USP21: variants seen among roughly 807,000 people sequenced by gnomAD.
The protein encoded by USP21 is ubiquitin specific peptidase 21.
A neutral mutation model predicts 70.8 loss-of-function variants in USP21; 37 were observed. The ratio of observed to expected loss-of-function variants is 0.52; its 90% confidence interval spans 0.40 to 0.69. USP21 has a LOEUF of 0.69. Ranked by LOEUF, USP21 falls within the 30% of genes least tolerant of loss-of-function variation. The probability of loss-of-function intolerance (pLI) is 0.00; values close to 1 mark genes in which losing one functional copy is unlikely to be tolerated. For missense variants in USP21, 584 were observed against 740.8 expected (o/e 0.79, Z 2.46); for synonymous variants, 263 against 283.1 (o/e 0.93, Z 0.71).
chr1:161,164,205 C>T lies in USP21; in HGVS notation c.1260C>T (p.Phe420=), dbSNP rs1658241077. The change falls in exon 10 of 14, where the codon TTC becomes TTT. Residue 420 remains phenylalanine (F), a synonymous_variant. Transcript: ENST00000368002. This position sits in a 1 kb window ranked among gnomAD's most constrained non-coding sequence, Gnocchi z 4.2. ...AGGKVSLRDC[F]NLFTKEEELE... ...GCAAGGTGTCTCTGCGGGATTGTTT[C>T]AACCTTTTCACTAAGGAAGAAGAGC... 6.2e-7 allele frequency: 1 copy of T among 1,614,094 alleles called. No homozygotes were observed. The highest frequency in any genetic ancestry group is 1.1e-5 in the South Asian group (1 of 91,080).
In USP21 at chr1:161,163,749, A is replaced by C. The variant is rs1308167394; in HGVS notation, c.1115-129A>C. 4 of 1,332,360 alleles carry C rather than the reference A, an allele frequency of 3.0e-6. No individual in the cohort carries two copies. In the East Asian group the frequency reaches 9.2e-5, roughly 31 times the overall value. The allele number at this position is 1,332,360 out of a possible 1,614,324, so 82.5% of individuals were successfully genotyped here. A position where few individuals can be genotyped will look rare whatever the true frequency, so the allele number is the denominator to read the frequency against. On this transcript the variant is annotated intron_variant, in intron 8 of 13. Transcript: ENST00000368002. ...GATGCAAATGTGAAGCTGTGTGAAG[A>C]GTTGATTAGGAGTGTTGGTAGTGGG... is the stretch of plus-strand genomic sequence containing the variant.
chr1:161,161,778 A>G lies in USP21; in HGVS notation c.601-260A>G. On this transcript the variant is annotated intron_variant, in intron 3 of 13. Transcript: ENST00000368002. The surrounding 1 kb of genome is among the most constrained non-coding windows in gnomAD (Gnocchi z 4.2). The stretch of plus-strand genomic sequence containing the variant: ...TGGGGGAGTTGCCCCAGGAGCTGCA[A>G]CGTCAGCTAGCTGAGCAGAGGAGTA... 1 of 525,774 alleles carries G rather than the reference A, an allele frequency of 1.9e-6. No individual in the cohort carries two copies. 32.6% of individuals were successfully genotyped at this position (525,774 alleles called of 1,614,324 possible). A position where few individuals can be genotyped will look rare whatever the true frequency, so the allele number is the denominator to read the frequency against.
At position 161,164,902 on chromosome 1, in the gene USP21, G is replaced by A. The variant is rs1166227643; in HGVS notation, c.1452G>A (p.Leu484=). ...GTTCAGTAGGTGTAGACTTTCCACT[G>A]CAGCGACTGAGCCTAGGGGACTTTG... The part of the protein sequence containing the change: ...KKSSVGVDFP[L]QRLSLGDFAS... Residue 484 remains leucine, a synonymous_variant, in exon 12 of 14, where the codon CTG becomes CTA. Transcript: ENST00000368002. The surrounding 1 kb of genome is among the most constrained non-coding windows in gnomAD (Gnocchi z 4.2). The A allele has an allele frequency of 6.2e-7, 1 of 1,614,126 alleles. No individual in the cohort carries two copies. Among genetic ancestry groups the A allele is most frequent in the South Asian group, 1.1e-5 (1 of 91,074 alleles).
chr1:161,160,061 C>A (rs1657782284), intron 1 of USP21, among the ~76,000 whole-genome samples: 1 of 152,160 alleles, frequency 6.6e-6, no homozygotes, highest in East Asian at 1.9e-4. Flanking sequence ...GCTTCATTTG[C>A]AGCCCAGAGA....
Position 161,165,137 on chromosome 1 carries a change from ACT to A in USP21, c.1605_1606del (p.Arg536CysfsTer6), listed in dbSNP as rs1658482801. The A allele has an allele frequency of 1.2e-6, 2 of 1,609,560 alleles. No homozygotes were observed. The highest frequency in any genetic ancestry group is 1.1e-5 in the South Asian group (1 of 90,804). ...CAGACTGGTTGGCATGTCTACAATG[ACT>A]CTCGGTGAGAATAGCCTCCTATTTA... On this transcript the variant is annotated frameshift_variant, in exon 13 of 14. Transcript: ENST00000368002. LOFTEE classifies it high-confidence loss of function.
intron 8 of USP21, 63 bp from the exon 9 acceptor site, chr1:161,163,815 C>A: frequency 1.3e-6 from 2 of 1,510,270 alleles, no homozygotes; most frequent in South Asian, 1.1e-5. Context: ...AGATGGAAAT[C>A]CAAGAAATCA....
chr1:161,160,692 A>T lies in USP21; in HGVS notation c.52A>T (p.Asn18Tyr), dbSNP rs1294349075. Residue 18 changes from asparagine to tyrosine, a missense_variant, in exon 3 of 14, where the codon AAT (asparagine) becomes TAT (tyrosine). This residue lies in a region of USP21 where 284 missense variants were observed against 281.0 expected (regional missense o/e 1.01). Coordinates refer to ENST00000368002, the MANE Select transcript of USP21 (RefSeq NM_001014443.3). ...GGGCCGTACCCGAGAGCCACCTGTTAATATCCAGCCCCGAGTGGGATCCAA... is the reference window on the plus strand; with the variant it reads ...GGGCCGTACCCGAGAGCCACCTGTTTATATCCAGCCCCGAGTGGGATCCAA... ...RLGRTREPPV[N>Y]IQPRVGSKLP... is the part of the protein sequence containing the mutation. 6.2e-7 allele frequency: 1 copy of T among 1,614,092 alleles called. No homozygotes were observed. Among genetic ancestry groups the T allele is most frequent in the South Asian group, 1.1e-5 (1 of 91,084 alleles).
rs377308026 is a variant in USP21, at chr1:161,165,425, A to G, written c.1676A>G (p.Gln559Arg). The change falls in exon 14 of 14, where the codon CAG becomes CGG. Residue 559 changes from glutamine (Q) to arginine (R), a missense_variant. Gln to Arg is a conservative substitution (Grantham distance 43, BLOSUM62 1). Transcript: ENST00000368002. ...TACGTGCTGTTCTACCAACTGATGC[A>G]GGAGCCACCCCGGTGCCTGTGACAC... Reference protein sequence around the residue: ...EGYVLFYQLMQEPPRCL With the variant: ...EGYVLFYQLMREPPRCL The G allele has an allele frequency of 3.1e-6, 5 of 1,614,010 alleles. No individual in the cohort carries two copies. The African/African-American group carries it at 6.7e-5, about 22-fold the overall frequency.
At position 161,164,800 on chromosome 1, in the gene USP21, C is replaced by G; in HGVS notation, c.1385-35C>G. On this transcript the variant is annotated intron_variant, in intron 11 of 13. Coordinates refer to ENST00000368002, the MANE Select transcript of USP21 (RefSeq NM_001014443.3). This position sits in a 1 kb window ranked among gnomAD's most constrained non-coding sequence, Gnocchi z 4.2. ...ATAGAAGAAGTTCCCCTCAGAGGCC[C>G]ACTGCCTCCCAAATGCTCCTTAACC... 6.2e-7 allele frequency: 1 copy of G among 1,606,078 alleles called. No homozygotes were observed. The highest frequency in any genetic ancestry group is 8.5e-7 in the Non-Finnish European group (1 of 1,175,284).
chr1:161,161,264 C>A lies in USP21; in HGVS notation c.600+24C>A. The A allele has an allele frequency of 6.4e-7, 1 of 1,558,248 alleles. No homozygotes were observed. Among genetic ancestry groups the A allele is most frequent in the Middle Eastern group, 1.7e-4 (1 of 5,814 alleles). On this transcript the variant is annotated intron_variant, in intron 3 of 13. Coordinates refer to ENST00000368002, the MANE Select transcript of USP21 (RefSeq NM_001014443.3). This position sits in a 1 kb window ranked among gnomAD's most constrained non-coding sequence, Gnocchi z 4.2. ...TGGTGAGGACTTGCCACACACATGGCCTTCATGCCCATGTTCCTCTGTGCT... is the reference window on the plus strand; with the variant it reads ...TGGTGAGGACTTGCCACACACATGGACTTCATGCCCATGTTCCTCTGTGCT...
chr1:161,161,165 G>A lies in USP21; in HGVS notation c.525G>A (p.Glu175=). 6.2e-7 allele frequency: 1 copy of A among 1,613,886 alleles called. No homozygotes were observed. The highest frequency in any genetic ancestry group is 8.5e-7 in the Non-Finnish European group (1 of 1,179,832). ...GPPTLFSIRT[E]PPASHGSFHM... Reference sequence around the variant, plus strand: ...CTACCCTGTTCAGCATACGGACAGAGCCCCCTGCTTCCCATGGCTCCTTCC... The same window carrying A: ...CTACCCTGTTCAGCATACGGACAGAACCCCCTGCTTCCCATGGCTCCTTCC... The change falls in exon 3 of 14, where the codon GAG becomes GAA. Residue 175 remains glutamate, a synonymous_variant. Coordinates refer to ENST00000368002, the MANE Select transcript of USP21 (RefSeq NM_001014443.3). This position sits in a 1 kb window ranked among gnomAD's most constrained non-coding sequence, Gnocchi z 4.2.
In USP21 at chr1:161,165,582, T is replaced by C. The variant is rs1008552176; in HGVS notation, c.*135T>C. 1.6e-6 allele frequency: 1 copy of C among 620,354 alleles called. No individual in the cohort carries two copies. Among genetic ancestry groups the C allele is most frequent in the Non-Finnish European group, 2.8e-6 (1 of 358,238 alleles). The allele number at this position is 620,354 out of a possible 1,614,324, so 38.4% of individuals were successfully genotyped here. The stretch of plus-strand genomic sequence containing the variant: ...AGGGGGTGGTTGTAGCTCCATTATT[T>C]TTTTTATTAAAAAATACCCTTCCAC... On this transcript the variant is annotated 3_prime_UTR_variant, in exon 14 of 14. Transcript: ENST00000368002.
rs1268578030 is a variant in USP21, at chr1:161,164,979, A to C, written c.1492+37A>C. 1 of 1,613,090 alleles carries C rather than the reference A, an allele frequency of 6.2e-7. No homozygotes were observed. The highest frequency in any genetic ancestry group is 8.5e-7 in the Non-Finnish European group (1 of 1,179,144). ...GGGGAAAGTCCTAAGGAGCCAAAGG[A>C]GTGGGGGCACAGCTCTGATTATAGA... On this transcript the variant is annotated intron_variant, in intron 12 of 13. Transcript: ENST00000368002. This position sits in a 1 kb window ranked among gnomAD's most constrained non-coding sequence, Gnocchi z 4.2.
chr1:161,162,301 G>A lies in USP21; in HGVS notation c.692G>A (p.Ser231Asn). The A allele has an allele frequency of 6.2e-7, 1 of 1,613,116 alleles. No homozygotes were observed. The highest frequency in any genetic ancestry group is 8.5e-7 in the Non-Finnish European group (1 of 1,179,468). ...CTGAATGCTGTGCTGCAGTGTCTGA[G>A]CAGCACTCGACCTCTTCGGGACTTC... The part of the protein sequence containing the change: ...CFLNAVLQCL[S>N]STRPLRDFCL... Residue 231 changes from serine to asparagine, a missense_variant, in exon 5 of 14, where the codon AGC becomes AAC. By Grantham distance (46) the Ser-to-Asn change is conservative. Around this residue, in one of 4 missense-constraint regions of USP21, gnomAD observed 87 missense variants for 162.4 expected, o/e 0.54. Transcript: ENST00000368002. The surrounding 1 kb of genome is among the most constrained non-coding windows in gnomAD (Gnocchi z 4.1).
In USP21 at chr1:161,160,852, G is replaced by C; in HGVS notation, c.212G>C (p.Gly71Ala). 6.2e-7 allele frequency: 1 copy of C among 1,614,234 alleles called. No homozygotes were observed. The highest frequency in any genetic ancestry group is 8.5e-7 in the Non-Finnish European group (1 of 1,180,048). Residue 71 changes from glycine to alanine, a missense_variant, in exon 3 of 14, where the codon GGA becomes GCA. By Grantham distance (60) the Gly-to-Ala change is moderately conservative (BLOSUM62 0). This residue lies in a region of USP21 where 284 missense variants were observed against 281.0 expected (regional missense o/e 1.01). Transcript: ENST00000368002. ...ERLKKLELGR[G>A]RTSGPRPRGP... ...CTCAAGAAACTGGAGCTGGGACGGG[G>C]ACGGACCTCAGGCCCTCGTCCCAGA...
chr1:161,161,900 AC>A lies in USP21; in HGVS notation c.601-136del. On this transcript the variant is annotated intron_variant, in intron 3 of 13. Transcript: ENST00000368002. This position sits in a 1 kb window ranked among gnomAD's most constrained non-coding sequence, Gnocchi z 4.2. The stretch of plus-strand genomic sequence containing the variant: ...ACCAGTGAGGTAGGGAGACTAGAAT[AC>A]CTAGTGAGGGGAATAGGGTAGAGTT... 3 of 810,354 alleles carry A rather than the reference AC, an allele frequency of 3.7e-6. No homozygotes were observed. The South Asian group carries it at 4.5e-5, about 12-fold the overall frequency. The allele number at this position is 810,354 out of a possible 1,614,324, so 50.2% of individuals were successfully genotyped here. A position where few individuals can be genotyped will look rare whatever the true frequency, so the allele number is the denominator to read the frequency against.
rs556512200 is a variant in USP21, at chr1:161,165,596, A to C, written c.*149A>C. 1.9e-3 allele frequency: 1,121 copies of C among 604,738 alleles called. 2 individuals are homozygous for C. The highest frequency in any genetic ancestry group is 2.9e-3 in the Non-Finnish European group (1,005 of 345,742). The allele number at this position is 604,738 out of a possible 1,614,324, so 37.5% of individuals were successfully genotyped here. A position where few individuals can be genotyped will look rare whatever the true frequency, so the allele number is the denominator to read the frequency against. ...GCTCCATTATTTTTTTTATTAAAAAATACCCTTCCACCTGGAGGCTCCCTT... is the reference window on the plus strand; with the variant it reads ...GCTCCATTATTTTTTTTATTAAAAACTACCCTTCCACCTGGAGGCTCCCTT... On this transcript the variant is annotated 3_prime_UTR_variant, in exon 14 of 14. Transcript: ENST00000368002.
chr1:161,163,007 C>T lies in USP21; in HGVS notation c.982C>T (p.Leu328Phe). 9 of 1,614,066 alleles carry T rather than the reference C, an allele frequency of 5.6e-6. No homozygotes were observed. Among genetic ancestry groups the T allele is most frequent in the Non-Finnish European group, 7.6e-6 (9 of 1,179,974 alleles). Reference sequence around the variant, plus strand: ...CCGAGGCCGCCGGGCTCCACCGATACTTGCCAATGGTCCAGTTCCCTCTCC... The same window carrying T: ...CCGAGGCCGCCGGGCTCCACCGATATTTGCCAATGGTCCAGTTCCCTCTCC... ...NRRGRRAPPI[L>F]ANGPVPSPPR... Residue 328 changes from leucine (L) to phenylalanine (F), a missense_variant, in exon 7 of 14, where the codon CTT becomes TTT. By Grantham distance (22) the Leu-to-Phe change is conservative. Around this residue, in one of 4 missense-constraint regions of USP21, gnomAD observed 40 missense variants for 29.3 expected, o/e 1.37. Transcript: ENST00000368002.
intron 8 of USP21, 31 bp from the exon 9 acceptor site, chr1:161,163,847 C>T (rs1658147584): frequency 1.9e-6 from 3 of 1,588,688 alleles, no homozygotes; most frequent in Non-Finnish European, 1.7e-6. Context: ...CCAACAATGA[C>T]CTTTTCTCCT....
Sources: allele counts gnomAD v4.1 joint callset (sites outside exome capture counted in the v4.1 genomes callset), GRCh38; gene constraint gnomAD v4.1.1; regional missense constraint gnomAD v4.1.1; non-coding constraint Gnocchi (gnomAD v3.1); transcripts MANE v1.5; gene names NCBI Gene and HGNC (gene_info 2026-07-23, HGNC 2026-07-21).